Variants in NGEF observed in about 807,000 individuals in gnomAD.
NGEF encodes the protein ephexin-1.
NGEF carries 31 observed loss-of-function variants against 80.9 expected under a neutral mutation model. The observed-to-expected ratio is 0.38, with a 90% confidence interval of 0.29 to 0.52. NGEF has a LOEUF of 0.52. Among genes scored for constraint, NGEF ranks in the 20% least tolerant of loss-of-function variants. NGEF has a pLI of 0.84. For synonymous variants in NGEF, 371 were observed against 370.2 expected, an observed-to-expected ratio of 1.00 and a Z score of -0.03; for missense variants, 709 against 926.2, an observed-to-expected ratio of 0.77 and a Z score of 3.04.
rs1401467746 is a variant in NGEF at position 232,899,240 on chromosome 2, G to A, written c.829-4324C>T. Among the ~76,000 whole-genome samples, 4 of 150,946 alleles carry A rather than the reference G, an allele frequency of 2.6e-5. No homozygotes were observed. The South Asian group carries it at 8.4e-4, about 32-fold the overall frequency. On this transcript the variant is annotated intron_variant, in intron 5 of 14. Coordinates refer to ENST00000264051, the MANE Select transcript of NGEF (RefSeq NM_019850.3). ...GTGTGTGAATGTGTGCATATGAGGG[G>A]GGCGTGTGAACGTACGTGTCACTAC...
intron 3 of NGEF, among the ~76,000 whole-genome samples, chr2:232,949,928 C>T (rs541366039): frequency 6.6e-6 from 1 of 152,142 alleles, no homozygotes; most frequent in Middle Eastern, 3.4e-3. Flanking sequence ...TCTCCTGTCT[C>T]TGCCTCCCGA....
intron 3 of NGEF, among the ~76,000 whole-genome samples, chr2:232,969,294 TTA>T (rs1694132760): frequency 7.3e-6 from 1 of 136,582 alleles, no homozygotes; most frequent in African/African-American, 2.8e-5. Context: ...ATTTTTTTTT[TTA>T]ATGGGGTCTT....
intron 3 of NGEF, among the ~76,000 whole-genome samples, chr2:232,965,989 T>C (rs1474281459): frequency 6.6e-6 from 1 of 152,206 alleles, no homozygotes; most frequent in Non-Finnish European, 1.5e-5. Flanking sequence ...GGGTCTTGTA[T>C]GAAACCTCAG....
chr2:232,937,604 G>A (rs1419685214), intron 3 of NGEF, among the ~76,000 whole-genome samples: 1 of 152,206 alleles, frequency 6.6e-6, no homozygotes, highest in Non-Finnish European at 1.5e-5. Context: ...ACTATGAAGA[G>A]GCCATTGATC....
At chr2:232,927,424 C>T (rs1693098093) in intron 3 of NGEF, among the ~76,000 whole-genome samples, 1 of 152,138 alleles carries the variant, frequency 6.6e-6, no homozygotes, top group Admixed American at 6.5e-5. Context: ...CCCGCCCAAA[C>T]CTCCATGGTT....
chr2:232,960,297 A>G (rs1390862749), intron 3 of NGEF, among the ~76,000 whole-genome samples: 1 of 152,250 alleles, frequency 6.6e-6, no homozygotes, highest in Non-Finnish European at 1.5e-5. Flanking sequence ...TTCTGGGACT[A>G]GAACCCTGAT....
At chr2:232,893,729 C>A (rs1047912901) in intron 6 of NGEF, among the ~76,000 whole-genome samples, 1 of 152,070 alleles carries the variant, frequency 6.6e-6, no homozygotes, top group African/African-American at 2.4e-5. Context: ...GAGTTGAGAT[C>A]GCACCATTGC....
At chr2:232,923,662 G>T (rs1252331234) in intron 4 of NGEF, among the ~76,000 whole-genome samples, 1 of 152,096 alleles carries the variant, frequency 6.6e-6, no homozygotes, top group Non-Finnish European at 1.5e-5. Context: ...TTGAACCCAG[G>T]GGGTGGAGGT....
intron 3 of NGEF, among the ~76,000 whole-genome samples, chr2:232,930,407 C>T (rs1482410417): frequency 1.3e-5 from 2 of 151,726 alleles, no homozygotes; most frequent in African/African-American, 4.8e-5. Context: ...GCAACTTCTG[C>T]CTCCCGGGTT....
rs1296322830 is a variant in NGEF at position 232,995,695 on chromosome 2, A to G, written c.-75+17373T>C. 6.4e-5 allele frequency among the ~76,000 whole-genome samples: 9 copies of G among 141,708 alleles called. No homozygotes were observed. In the Admixed American group the frequency reaches 6.5e-4, roughly 10 times the overall value. The allele number at this position is 141,708 out of a possible 152,430, so 93.0% of individuals were successfully genotyped here. A position where few individuals can be genotyped will look rare whatever the true frequency, so the allele number is the denominator to read the frequency against. On this transcript the variant is annotated intron_variant, in intron 1 of 14. Transcript: ENST00000264051. ...ATATGTATTATATATATTATAGTGTATGTATTATATGTGTATATACATATA... is the reference window on the plus strand; with the variant it reads ...ATATGTATTATATATATTATAGTGTGTGTATTATATGTGTATATACATATA...
chr2:232,913,344 A>G (rs1692727954), intron 5 of NGEF, among the ~76,000 whole-genome samples: 2 of 152,352 alleles, frequency 1.3e-5, no homozygotes, highest in South Asian at 4.1e-4. Flanking sequence ...GGGTCAGAGA[A>G]CATACTTTCT....
intron 1 of NGEF, among the ~76,000 whole-genome samples, chr2:232,984,235 C>A (rs1694491880): frequency 6.6e-6 from 1 of 151,018 alleles, no homozygotes; most frequent in Admixed American, 6.7e-5. Flanking sequence ...CAGGCACATA[C>A]CACCATGCCT....
chr2:232,980,393 G>A (rs1279455010), intron 1 of NGEF, among the ~76,000 whole-genome samples: 1 of 152,166 alleles, frequency 6.6e-6, no homozygotes, highest in African/African-American at 2.4e-5. Flanking sequence ...GAGAGGTGAA[G>A]TTTCTAGACT....
chr2:232,950,515 TC>T (rs1365628650), intron 3 of NGEF, among the ~76,000 whole-genome samples: 1 of 147,512 alleles, frequency 6.8e-6, no homozygotes, highest in Non-Finnish European at 1.5e-5. Flanking sequence ...TCCGTCACTC[TC>T]ACTGACCCAG....
chr2:232,979,776 C>G (rs1303354884), intron 1 of NGEF, among the ~76,000 whole-genome samples: 3 of 152,186 alleles, frequency 2.0e-5, no homozygotes, highest in African/African-American at 7.2e-5. Flanking sequence ...CCTTAATAAG[C>G]TTCCTCAGGA....
At chr2:232,916,518 T>G (rs1414224169) in intron 5 of NGEF, among the ~76,000 whole-genome samples, 2 of 151,734 alleles carry the variant, frequency 1.3e-5, no homozygotes. Flanking sequence ...ATCAAGAAGA[T>G]AAATGTAAAG....
chr2:232,938,965 T>G (rs1693385788), intron 3 of NGEF, among the ~76,000 whole-genome samples: 1 of 150,628 alleles, frequency 6.6e-6, no homozygotes, highest in Non-Finnish European at 1.5e-5. Context: ...TGGATCAGAG[T>G]TCAGGAGTTC....
intron 5 of NGEF, among the ~76,000 whole-genome samples, chr2:232,912,080 T>C (rs945029566): frequency 6.6e-6 from 1 of 152,244 alleles, no homozygotes; most frequent in Non-Finnish European, 1.5e-5. Flanking sequence ...CTTCCCTTGT[T>C]CCTAATCTTA....
At chr2:232,909,901 C>T (rs1692656579) in intron 5 of NGEF, among the ~76,000 whole-genome samples, 1 of 152,258 alleles carries the variant, frequency 6.6e-6, no homozygotes, top group African/African-American at 2.4e-5. Context: ...TTTCACTCAA[C>T]AAGATGCCTT....
Sources: gnomAD v4.1 joint callset for allele counts (sites outside exome capture counted in the v4.1 genomes callset) on GRCh38, gnomAD v4.1.1 for gene constraint, MANE v1.5 for transcripts, NCBI Gene and HGNC (gene_info 2026-07-23, HGNC 2026-07-21) for gene names.